BCAT1: variants seen among roughly 807,000 people sequenced by gnomAD.
The protein encoded by BCAT1 is branched-chain-amino-acid aminotransferase, cytosolic.
A neutral mutation model predicts 52.4 loss-of-function variants in BCAT1; 48 were observed. The observed-to-expected ratio is 0.92, with a 90% CI of 0.73 to 1.16. BCAT1 has a LOEUF of 1.16. BCAT1 is among the 50% of genes most tolerant of loss of function. The probability of loss-of-function intolerance (pLI) is 0.00; values close to 1 mark genes in which losing one functional copy is unlikely to be tolerated. For synonymous variants in BCAT1, 167 were observed against 161.3 expected (o/e 1.04, Z -0.27); for missense variants, 451 against 457.1 (o/e 0.99, Z 0.12).
At chr12:24,839,745 T>C (rs1941119525) in intron 7 of BCAT1, among the ~76,000 whole-genome samples, 1 of 152,216 alleles carries the variant, frequency 6.6e-6, no homozygotes, top group African/African-American at 2.4e-5. Flanking sequence ...CGGCAGGCTA[T>C]TACCGAAAGA....
At chr12:24,924,310 G>A (rs1943548252) in intron 1 of BCAT1, among the ~76,000 whole-genome samples, 1 of 152,238 alleles carries the variant, frequency 6.6e-6, no homozygotes, top group South Asian at 2.1e-4. Context: ...AATTAGATCA[G>A]TTAATGCTAA....
intron 1 of BCAT1, among the ~76,000 whole-genome samples, chr12:24,939,351 T>C (rs2139758426): frequency 6.6e-6 from 1 of 152,352 alleles, no homozygotes; most frequent in African/African-American, 2.4e-5. Flanking sequence ...TATTGTACTA[T>C]ATAAATGGTA....
In BCAT1 at chr12:24,836,664, A is replaced by AT. The variant is rs547834645; in HGVS notation, c.818-69dup. 55 of 1,297,778 alleles carry AT rather than the reference A, an allele frequency of 4.2e-5. No individual in the cohort carries two copies. In the African/African-American group the frequency reaches 6.5e-4, roughly 15 times the overall value. 80.4% of individuals were successfully genotyped at this position (1,297,778 alleles called of 1,614,324 possible). A position where few individuals can be genotyped will look rare whatever the true frequency, so the allele number is the denominator to read the frequency against. On this transcript the variant is annotated intron_variant, in intron 7 of 10. Coordinates refer to ENST00000261192, the MANE Select transcript of BCAT1 (RefSeq NM_005504.7). ...TAGGCATGCCTTATTATCAATAGCC[A>AT]TTTTTTTAAAAAACCATCACAATTT...
intron 1 of BCAT1, among the ~76,000 whole-genome samples, chr12:24,909,073 T>C (rs1223657453): frequency 6.6e-6 from 1 of 152,196 alleles, no homozygotes; most frequent in Non-Finnish European, 1.5e-5. Context: ...ATTTTTCAGT[T>C]ATATGTAGCC....
At chr12:24,943,103 C>T (rs78256655) in intron 1 of BCAT1, among the ~76,000 whole-genome samples, 1,748 of 152,346 alleles carry the variant, frequency 0.011, 21 homozygotes, top group Non-Finnish European at 0.019. Flanking sequence ...TATATGCACT[C>T]TATTGTCCTG....
At position 24,815,732 on chromosome 12, in the gene BCAT1, G is replaced by C. The variant is rs1939852280; in HGVS notation, c.*2276C>G. 6.6e-6 allele frequency: 1 copy of C among 152,044 alleles called. No homozygotes were observed. The highest frequency in any genetic ancestry group is 2.4e-5 in the African/African-American group (1 of 41,370). 9.4% of individuals were successfully genotyped at this position (152,044 alleles called of 1,614,324 possible). ...AGTTTTCACTGGGTCTGATGAAAAG[G>C]GCTTAAAAATGCTCTTGAGGTTTTA... On this transcript the variant is annotated 3_prime_UTR_variant, in exon 11 of 11. Transcript: ENST00000261192.
intron 1 of BCAT1, among the ~76,000 whole-genome samples, chr12:24,906,273 C>T (rs1431553602): frequency 1.3e-5 from 2 of 151,954 alleles, no homozygotes; most frequent in East Asian, 3.9e-4. Context: ...ATCTGACTTG[C>T]TTATCTATTT....
intron 10 of BCAT1, among the ~76,000 whole-genome samples, chr12:24,820,768 G>A (rs989064883): frequency 9.2e-5 from 14 of 152,074 alleles, no homozygotes; most frequent in Admixed American, 2.0e-4. Context: ...ACTAAAACAC[G>A]ACTAATGACA....
chr12:24,880,571 A>G (rs757449151), intron 4 of BCAT1, among the ~76,000 whole-genome samples: 1 of 152,258 alleles, frequency 6.6e-6, no homozygotes, highest in Non-Finnish European at 1.5e-5. Context: ...TCAAAACATT[A>G]CTTAAGATAA....
Position 24,898,520 on chromosome 12 carries a change from C to CTTTTT in BCAT1, c.78+3289_78+3293dup, listed in dbSNP as rs71448094. 6.7e-3 allele frequency among the ~76,000 whole-genome samples: 259 copies of CTTTTT among 38,500 alleles called. 53 individuals carry two copies. The highest frequency in any genetic ancestry group is 0.027 in the African/African-American group (254 of 9,322). The allele number at this position is 38,500 out of a possible 152,430, so 25.3% of individuals were successfully genotyped here. A position where few individuals can be genotyped will look rare whatever the true frequency, so the allele number is the denominator to read the frequency against. On this transcript the variant is annotated intron_variant, in intron 2 of 10. Coordinates refer to ENST00000261192, the MANE Select transcript of BCAT1 (RefSeq NM_005504.7). ...TGTTTCAGCCAGGGTTCAGTCAACA[C>CTTTTT]TTTTTTTTTTTTTTTTTTTTTTTTT...
intron 1 of BCAT1, among the ~76,000 whole-genome samples, chr12:24,925,389 A>G (rs992332097): frequency 1.3e-5 from 2 of 152,160 alleles, no homozygotes; most frequent in Non-Finnish European, 2.9e-5. Context: ...AATCACATGA[A>G]CCAATTCCTT....
At chr12:24,836,481 A>T in intron 8 of BCAT1, 30 bp downstream of exon 8, 3 of 1,564,072 alleles carry the variant, frequency 1.9e-6, no homozygotes, top group Non-Finnish European at 2.6e-6. Context: ...TTTCAGGCTT[A>T]CAAAAGTTGT....
chr12:24,832,977 C>G, intron 8 of BCAT1, 114 bp from the exon 9 acceptor site: 1 of 1,175,996 alleles, frequency 8.5e-7, no homozygotes, highest in Admixed American at 2.6e-5. Flanking sequence ...AGGTCACAAT[C>G]ATCCTTTAAG....
At chr12:24,867,861 C>T (rs1253630771) in intron 5 of BCAT1, among the ~76,000 whole-genome samples, 2 of 151,978 alleles carry the variant, frequency 1.3e-5, no homozygotes, top group South Asian at 2.1e-4. Flanking sequence ...AAAAAGTAGC[C>T]GAGCATGGTG....
chr12:24,926,123 GC>G (rs1168873132), intron 1 of BCAT1, among the ~76,000 whole-genome samples: 3 of 152,034 alleles, frequency 2.0e-5, no homozygotes, highest in Admixed American at 1.3e-4. Flanking sequence ...CTTCCCGGCT[GC>G]CATCCCGTCT....
intron 5 of BCAT1, among the ~76,000 whole-genome samples, chr12:24,857,467 G>A (rs1222700404): frequency 6.8e-6 from 1 of 147,106 alleles, no homozygotes; most frequent in African/African-American, 2.6e-5. Flanking sequence ...AATTAAAAGT[G>A]ATGTCCAAGA....
chr12:24,896,450 T>A lies in BCAT1; in HGVS notation c.79-1975A>T, dbSNP rs572452810. On this transcript the variant is annotated intron_variant, in intron 2 of 10. Transcript: ENST00000261192. ...ACAGAAACCTGATGGCCCTCAAGCC[T>A]AAAATATTTATCATCTAGCCATTTA... 1.1e-4 allele frequency among the ~76,000 whole-genome samples: 16 copies of A among 152,246 alleles called. No homozygotes were observed. The South Asian group carries it at 3.1e-3, about 30-fold the overall frequency.
chr12:24,923,191 T>A (rs192520817), intron 1 of BCAT1, among the ~76,000 whole-genome samples: 1 of 152,296 alleles, frequency 6.6e-6, no homozygotes. Flanking sequence ...ATTTTAGGCA[T>A]CGTGAGCCAT....
At chr12:24,885,548 C>T (rs1052128702) in intron 3 of BCAT1, among the ~76,000 whole-genome samples, 10 of 152,052 alleles carry the variant, frequency 6.6e-5, no homozygotes, top group African/African-American at 2.4e-4. Context: ...AAAAGTTTAT[C>T]GACTTGATAA....
Sources: allele counts gnomAD v4.1 joint callset (sites outside exome capture counted in the v4.1 genomes callset), GRCh38; gene constraint gnomAD v4.1.1; transcripts MANE v1.5; gene names NCBI Gene and HGNC (gene_info 2026-07-23, HGNC 2026-07-21).